The following TMEM63A variants were observed in gnomAD, a reference collection of about 807,000 sequenced individuals.
The protein encoded by TMEM63A is transmembrane protein 63A, also known as mechanosensitive cation channel TMEM63A.
In TMEM63A, 76 loss-of-function variants were observed where a neutral mutation model predicts 100.6. That is an observed-to-expected ratio of 0.76 (90% CI 0.63 to 0.91). The LOEUF is 0.91. Among genes scored for constraint, TMEM63A ranks in the 40% least tolerant of loss-of-function variants. TMEM63A has a pLI of 0.00. For missense variants in TMEM63A, 876 were observed against 1,008.8 expected (o/e 0.87, Z 1.78); for synonymous variants, 401 against 401.1 (o/e 1.00, Z 0.00).
In TMEM63A at chr1:225,846,942, A is replaced by G. The variant is rs1292856973; in HGVS notation, c.*7-10T>C. On this transcript the variant is annotated splice_polypyrimidine_tract_variant and intron_variant, in intron 24 of 24. Transcript: ENST00000366835. ...TTCAGAGCAGTGAGACCTAAAACAGATGGGAAGAAGTCATGAACTTGGGAG... is the reference window on the plus strand; with the variant it reads ...TTCAGAGCAGTGAGACCTAAAACAGGTGGGAAGAAGTCATGAACTTGGGAG... The G allele has an allele frequency of 2.1e-6, 3 of 1,406,272 alleles. No individual in the cohort carries two copies. Among genetic ancestry groups the G allele is most frequent in the Non-Finnish European group, 1.9e-6 (2 of 1,057,720 alleles). 87.1% of individuals were successfully genotyped at this position (1,406,272 alleles called of 1,614,324 possible).
chr1:225,872,683 T>TTTC (rs1559049965), intron 4 of TMEM63A, among the ~76,000 whole-genome samples: 2 of 129,806 alleles, frequency 1.5e-5, no homozygotes, highest in Non-Finnish European at 3.1e-5. Flanking sequence ...TGTGACTGCT[T>TTTC]TTCTTCTTTT....
chr1:225,877,802 A>G, intron 2 of TMEM63A: 1 of 512,438 alleles, frequency 2.0e-6, no homozygotes, highest in Non-Finnish European at 3.5e-6. Flanking sequence ...GGACAATCTC[A>G]GGGGATCAGA....
At position 225,850,047 on chromosome 1, in the gene TMEM63A, C is replaced by A. The variant is rs1177512352; in HGVS notation, c.1936G>T (p.Asp646Tyr). ...LIYILLKHMV[D>Y]RHNLYFVYLP... ...TAGACGAAGTAGAGGTTGTGCCGGT[C>A]CACCATGTGCTTGAGCAGGATGTAG... Residue 646 changes from aspartate (D) to tyrosine (Y), a missense_variant, in exon 21 of 25, where the codon GAC becomes TAC. Around this residue, in one of 5 missense-constraint regions of TMEM63A, gnomAD observed 339 missense variants for 342.3 expected, o/e 0.99. Transcript: ENST00000366835. 1.2e-6 allele frequency: 2 copies of A among 1,614,064 alleles called. No homozygotes were observed. The highest frequency in any genetic ancestry group is 2.7e-5 in the African/African-American group (2 of 74,936).
At position 225,858,948 on chromosome 1, in the gene TMEM63A, ATGTGTGTGTGTGTGTGTG is replaced by A. The variant is rs57543496; in HGVS notation, c.1377+230_1377+247del. Reference sequence around the variant, plus strand: ...GCATGTGTGTGTATATATACATATAATGTGTGTGTGTGTGTGTGTGTGTGTGTGTGTGTGTGTGTGTGT... The same window carrying A: ...GCATGTGTGTGTATATATACATATAATGTGTGTGTGTGTGTGTGTGTGTGT... On this transcript the variant is annotated intron_variant, in intron 15 of 24. Transcript: ENST00000366835. Among the ~76,000 whole-genome samples, 386 of 139,754 alleles carry A rather than the reference ATGTGTGTGTGTGTGTGTG, an allele frequency of 2.8e-3. 1 individual carries two copies. Among genetic ancestry groups the A allele is most frequent in the South Asian group, 3.2e-3 (13 of 4,116 alleles). The allele number at this position is 139,754 out of a possible 152,430, so 91.7% of individuals were successfully genotyped here.
chr1:225,872,940 C>T (rs1010223253), intron 4 of TMEM63A, among the ~76,000 whole-genome samples: 2 of 152,080 alleles, frequency 1.3e-5, no homozygotes, highest in African/African-American at 2.4e-5. Context: ...GATCCACCCC[C>T]GCCTCGGCCT....
At chr1:225,842,251 GT>G (rs772060536), downstream of TMEM63A, 19 of 796,258 alleles carry the variant, frequency 2.4e-5, no homozygotes, top group South Asian at 2.6e-4. Context: ...GTGCTCGAAC[GT>G]GGCTTCCTGC....
At chr1:225,841,009 C>T (rs1449982331), downstream of TMEM63A, 1 of 152,212 alleles carries the variant, frequency 6.6e-6, no homozygotes, top group Non-Finnish European at 1.5e-5. Context: ...CCTCTTCTCC[C>T]TCCCCACATC....
In TMEM63A at chr1:225,853,348, C is replaced by CT. The variant is rs1157261680; in HGVS notation, c.1797+280dup. Among the ~76,000 whole-genome samples, 7 of 152,310 alleles carry CT rather than the reference C, an allele frequency of 4.6e-5. No homozygotes were observed. In the East Asian group the frequency reaches 1.4e-3, roughly 29 times the overall value. On this transcript the variant is annotated intron_variant, in intron 19 of 24. Transcript: ENST00000366835. The surrounding 1 kb of genome is among the most constrained non-coding windows in gnomAD (Gnocchi z 4.0). ...AAATGGGTGCCTACAGAAAAAGAGTCTGTTGGTTTGAGTTGTATGTATGTA... is the reference window on the plus strand; with the variant it reads ...AAATGGGTGCCTACAGAAAAAGAGTCTTGTTGGTTTGAGTTGTATGTATGTA...
rs1270579150 is a variant in TMEM63A, at chr1:225,852,747, A to G, written c.1820T>C (p.Phe607Ser). 1 of 1,613,962 alleles carries G rather than the reference A, an allele frequency of 6.2e-7. No homozygotes were observed. The highest frequency in any genetic ancestry group is 1.3e-5 in the African/African-American group (1 of 74,938). ...VKQNQAFQYE[F>S]GAMYAWMLCV... ...CAGCATCCATGCATACATGGCTCCA[A>G]ACTCGTACTGGAAGGCCTGGTTCTG... Residue 607 changes from phenylalanine (F) to serine (S), a missense_variant, in exon 20 of 25, where the codon TTT becomes TCT. Physicochemically the swap from Phe to Ser is radical, Grantham distance 155. Transcript: ENST00000366835.
At chr1:225,847,440 G>C in intron 23 of TMEM63A, 1 of 502,102 alleles carries the variant, frequency 2.0e-6, no homozygotes, top group South Asian at 3.3e-5. Context: ...CATGATCACA[G>C]AAGGAAGCAC....
At chr1:225,844,591 G>A (rs754533122), downstream of TMEM63A, 11 of 1,614,032 alleles carry the variant, frequency 6.8e-6, no homozygotes, top group Non-Finnish European at 9.3e-6. Context: ...AGGAGAACCT[G>A]GGACAGGGCT....
rs965869418 is a variant in TMEM63A, at chr1:225,847,331, A to C, written c.2251-118T>G. The C allele has an allele frequency of 3.5e-5, 45 of 1,274,182 alleles. No homozygotes were observed. The East Asian group carries it at 1.0e-3, about 29-fold the overall frequency. 78.9% of individuals were successfully genotyped at this position (1,274,182 alleles called of 1,614,324 possible). ...CAGTGGCCATAAAGGACATATGAAGAAACACCGACATCCATTTAGGACATT... is the reference window on the plus strand; with the variant it reads ...CAGTGGCCATAAAGGACATATGAAGCAACACCGACATCCATTTAGGACATT... On this transcript the variant is annotated intron_variant, in intron 23 of 24. Transcript: ENST00000366835.
Position 225,853,515 on chromosome 1 carries a change from A to T in TMEM63A, c.1797+114T>A, listed in dbSNP as rs915696297. 13 of 1,050,132 alleles carry T rather than the reference A, an allele frequency of 1.2e-5. No homozygotes were observed. In the African/African-American group the frequency reaches 2.1e-4, roughly 17 times the overall value. The allele number at this position is 1,050,132 out of a possible 1,614,324, so 65.1% of individuals were successfully genotyped here. Reference sequence around the variant, plus strand: ...TAGCCCAGTGCCTGCACTAGTGGGTAGTCAGGTAAATGCTACCCACTAGTG... The same window carrying T: ...TAGCCCAGTGCCTGCACTAGTGGGTTGTCAGGTAAATGCTACCCACTAGTG... On this transcript the variant is annotated intron_variant, in intron 19 of 24. Transcript: ENST00000366835. The surrounding 1 kb of genome is among the most constrained non-coding windows in gnomAD (Gnocchi z 4.0).
chr1:225,859,520 G>A, intron 14 of TMEM63A, 171 bp from the exon 15 acceptor site: 1 of 767,634 alleles, frequency 1.3e-6, no homozygotes, highest in Non-Finnish European at 2.0e-6. Flanking sequence ...GAGCTCAGAG[G>A]GAACAATTAT....
chr1:225,877,593 C>T lies in TMEM63A; in HGVS notation c.-13G>A, dbSNP rs555827986. The T allele has an allele frequency of 1.9e-6, 3 of 1,610,070 alleles. No homozygotes were observed. The Admixed American group carries it at 5.0e-5, about 27-fold the overall frequency. On this transcript the variant is annotated splice_region_variant and 5_prime_UTR_variant, in exon 3 of 25. Coordinates refer to ENST00000366835, the MANE Select transcript of TMEM63A (RefSeq NM_014698.3). Reference sequence around the variant, plus strand: ...GGGAGTCCATCATCGCGCCTGTCTTCCCTGGAGCACAGGACAACAGGACAA... The same window carrying T: ...GGGAGTCCATCATCGCGCCTGTCTTTCCTGGAGCACAGGACAACAGGACAA...
chr1:225,856,964 G>A lies in TMEM63A; in HGVS notation c.1431C>T (p.Ala477=). The change falls in exon 16 of 25, where the codon GCC becomes GCT. Residue 477 remains alanine (A), a synonymous_variant. Transcript: ENST00000366835. The stretch of plus-strand genomic sequence containing the variant: ...AGTAGTAGACAATGGAGGGGAGCAG[G>A]GCCGAGAAGGACCAGAGCAGGAGGG... The part of the protein sequence containing the change: ...FPTLLLWSFS[A]LLPSIVYYST... 1 of 1,602,274 alleles carries A rather than the reference G, an allele frequency of 6.2e-7. No homozygotes were observed.
chr1:225,867,876 G>A lies in TMEM63A; in HGVS notation c.514+12C>T, dbSNP rs774777179. Reference sequence around the variant, plus strand: ...CCATTACAACATAGACAAGGGTGAGGAGGGTCATTACCCAGCAAGTCCCCT... The same window carrying A: ...CCATTACAACATAGACAAGGGTGAGAAGGGTCATTACCCAGCAAGTCCCCT... On this transcript the variant is annotated intron_variant, in intron 7 of 24. Coordinates refer to ENST00000366835, the MANE Select transcript of TMEM63A (RefSeq NM_014698.3). The surrounding 1 kb of genome is among the most constrained non-coding windows in gnomAD (Gnocchi z 4.6). 10 of 1,614,078 alleles carry A rather than the reference G, an allele frequency of 6.2e-6. No individual in the cohort carries two copies. Among genetic ancestry groups the A allele is most frequent in the East Asian group, 2.2e-5 (1 of 44,882 alleles).
chr1:225,842,546 C>G, downstream of TMEM63A: 1 of 1,101,020 alleles, frequency 9.1e-7, no homozygotes, highest in Non-Finnish European at 1.4e-6. Flanking sequence ...TCTTCATCCC[C>G]TTGTCTGGTT....
chr1:225,874,431 G>A (rs1670674301), intron 3 of TMEM63A, 64 bp from the exon 4 acceptor site: 1 of 1,454,032 alleles, frequency 6.9e-7, no homozygotes, highest in Non-Finnish European at 9.5e-7. Context: ...AGACACAGCG[G>A]TCTCAGGGGT....
Sources: allele counts gnomAD v4.1 joint callset (sites outside exome capture counted in the v4.1 genomes callset), GRCh38; gene constraint gnomAD v4.1.1; regional missense constraint gnomAD v4.1.1; non-coding constraint Gnocchi (gnomAD v3.1); transcripts MANE v1.5; gene names NCBI Gene and HGNC (gene_info 2026-07-23, HGNC 2026-07-21).